CCSER1: variants seen among roughly 807,000 people sequenced by gnomAD.
CCSER1 encodes coiled-coil serine rich protein 1, also known as serine-rich coiled-coil domain-containing protein 1.
A neutral mutation model predicts 82.0 loss-of-function variants in CCSER1; 41 were observed. That is an observed-to-expected ratio of 0.50 (90% CI 0.39 to 0.65). The LOEUF (loss-of-function observed/expected upper bound fraction) is 0.65, where lower values mean the gene tolerates loss of function less well. Ranked by LOEUF, CCSER1 falls within the 30% of genes least tolerant of loss-of-function variation. CCSER1 has a pLI of 0.00. For synonymous variants in CCSER1, 414 were observed against 383.9 expected, an observed-to-expected ratio of 1.08 and a Z score of -0.92; for missense variants, 1,119 against 1,064.2, an observed-to-expected ratio of 1.05 and a Z score of -0.72.
At chr4:90,332,290 G>A (rs1032785549) in intron 3 of CCSER1, among the ~76,000 whole-genome samples, 14 of 151,448 alleles carry the variant, frequency 9.2e-5, no homozygotes, top group African/African-American at 2.7e-4. Context: ...AGGCTGGAGT[G>A]CAGTGGCTTG....
At chr4:91,135,491 T>G (rs1024354004) in intron 10 of CCSER1, among the ~76,000 whole-genome samples, 3 of 152,242 alleles carry the variant, frequency 2.0e-5, no homozygotes, top group African/African-American at 7.2e-5. Context: ...ATGGTGGAAT[T>G]GTTTTTGATG....
intron 10 of CCSER1, among the ~76,000 whole-genome samples, chr4:91,378,064 G>T (rs1367778286): frequency 1.3e-5 from 2 of 152,098 alleles, no homozygotes; most frequent in African/African-American, 4.8e-5. Flanking sequence ...GGTTGTAGAT[G>T]TGTGGTATTA....
At chr4:90,883,834 G>A (rs1359729744) in intron 8 of CCSER1, among the ~76,000 whole-genome samples, 1 of 152,088 alleles carries the variant, frequency 6.6e-6, no homozygotes, top group Non-Finnish European at 1.5e-5. Context: ...AAATAATACA[G>A]AAAGTTGGCA....
intron 10 of CCSER1, among the ~76,000 whole-genome samples, chr4:91,570,635 GC>G (rs1272260147): frequency 6.6e-6 from 1 of 152,164 alleles, no homozygotes; most frequent in Non-Finnish European, 1.5e-5. Context: ...AGCTGAAGCA[GC>G]TGGTATGCAG....
At chr4:91,385,747 C>G (rs1486405354) in intron 10 of CCSER1, among the ~76,000 whole-genome samples, 1 of 151,616 alleles carries the variant, frequency 6.6e-6, no homozygotes, top group Non-Finnish European at 1.5e-5. Flanking sequence ...GAGTAGTTTT[C>G]TTATTTTAGT....
intron 8 of CCSER1, among the ~76,000 whole-genome samples, chr4:90,880,002 T>C (rs1185912250): frequency 6.6e-6 from 1 of 152,182 alleles, no homozygotes; most frequent in African/African-American, 2.4e-5. Flanking sequence ...GCAAAGTATT[T>C]TTTGTGTTGA....
chr4:91,543,805 C>T (rs1176020268), intron 10 of CCSER1, among the ~76,000 whole-genome samples: 1 of 152,248 alleles, frequency 6.6e-6, no homozygotes, highest in East Asian at 1.9e-4. Context: ...CGAGGAGTAT[C>T]TTTGTGGCGT....
At chr4:91,552,662 G>T (rs772438530) in intron 10 of CCSER1, among the ~76,000 whole-genome samples, 2 of 151,618 alleles carry the variant, frequency 1.3e-5, no homozygotes, top group Non-Finnish European at 2.9e-5. Context: ...CAACAAGGCT[G>T]ACTGTGGATT....
intron 9 of CCSER1, among the ~76,000 whole-genome samples, chr4:91,080,712 C>A (rs1041233800): frequency 2.0e-5 from 3 of 152,002 alleles, no homozygotes; most frequent in African/African-American, 4.8e-5. Flanking sequence ...CAAATAGATA[C>A]AATAAAAAAT....
chr4:90,306,451 A>G (rs1325949120), intron 1 of CCSER1, among the ~76,000 whole-genome samples: 4 of 152,220 alleles, frequency 2.6e-5, no homozygotes. Context: ...TCATAAGTAT[A>G]TACAATTGTC....
chr4:91,429,946 C>G (rs927042366), intron 10 of CCSER1, among the ~76,000 whole-genome samples: 10 of 151,738 alleles, frequency 6.6e-5, no homozygotes, highest in Non-Finnish European at 1.2e-4. Flanking sequence ...GACATACAAC[C>G]TATGCCTCAT....
intron 7 of CCSER1, among the ~76,000 whole-genome samples, chr4:90,789,240 C>T (rs544370729): frequency 1.3e-5 from 2 of 152,268 alleles, no homozygotes; most frequent in South Asian, 4.1e-4. Flanking sequence ...GAAAACTATT[C>T]AGTCTTAGTT....
At chr4:91,429,365 A>G (rs763052726) in intron 10 of CCSER1, among the ~76,000 whole-genome samples, 2 of 151,968 alleles carry the variant, frequency 1.3e-5, no homozygotes, top group African/African-American at 2.4e-5. Flanking sequence ...TTTAAAGAAA[A>G]CAGGTACTAC....
chr4:90,749,288 A>T (rs1748131927), intron 7 of CCSER1, among the ~76,000 whole-genome samples: 1 of 151,944 alleles, frequency 6.6e-6, no homozygotes, highest in Non-Finnish European at 1.5e-5. Flanking sequence ...CATTTATTAA[A>T]TAGGAAATCC....
chr4:90,306,716 T>G (rs1271987190), intron 1 of CCSER1, among the ~76,000 whole-genome samples: 1 of 152,216 alleles, frequency 6.6e-6, no homozygotes, highest in Non-Finnish European at 1.5e-5. Context: ...ATTTTAAATT[T>G]TGTATAGTAT....
At chr4:91,016,803 G>GGT (rs1484682736) in intron 9 of CCSER1, among the ~76,000 whole-genome samples, 1 of 152,042 alleles carries the variant, frequency 6.6e-6, no homozygotes, top group East Asian at 1.9e-4. Flanking sequence ...GGGAAGATAT[G>GGT]GTGTTAGAAA....
At chr4:91,263,395 AT>A (rs1255366829) in intron 10 of CCSER1, among the ~76,000 whole-genome samples, 1 of 151,886 alleles carries the variant, frequency 6.6e-6, no homozygotes, top group African/African-American at 2.4e-5. Context: ...AAGTTTATTC[AT>A]TTTTCTTTAT....
intron 8 of CCSER1, among the ~76,000 whole-genome samples, chr4:90,917,781 A>C (rs1403294467): frequency 6.6e-6 from 1 of 152,128 alleles, no homozygotes; most frequent in Non-Finnish European, 1.5e-5. Context: ...TGATGGTCAA[A>C]TTCTCTTTGT....
At chr4:90,535,906 TGAG>T (rs1457465518) in intron 5 of CCSER1, among the ~76,000 whole-genome samples, 2 of 152,220 alleles carry the variant, frequency 1.3e-5, no homozygotes, top group East Asian at 1.9e-4. Context: ...GTTTCACAGA[TGAG>T]GAGATGGAGA....
Sources: gnomAD v4.1 joint callset for allele counts (sites outside exome capture counted in the v4.1 genomes callset) on GRCh38, gnomAD v4.1.1 for gene constraint, MANE v1.5 for transcripts, NCBI Gene and HGNC (gene_info 2026-07-23, HGNC 2026-07-21) for gene names.